Variants in TOX observed in about 807,000 individuals in gnomAD.
TOX encodes thymocyte selection-associated high mobility group box protein TOX.
TOX carries 11 observed loss-of-function variants against 53.7 expected under a neutral mutation model. The observed-to-expected ratio is 0.20, with a 90% CI of 0.13 to 0.34. The LOEUF is 0.34. Among genes scored for constraint, TOX ranks in the 10% least tolerant of loss-of-function variants. The pLI is 1.00. For missense variants in TOX, 570 were observed against 664.6 expected (o/e 0.86, Z 1.56); for synonymous variants, 225 against 245.3 (o/e 0.92, Z 0.77).
intron 5 of TOX, among the ~76,000 whole-genome samples, chr8:58,836,437 C>T (rs1380666784): frequency 2.0e-5 from 3 of 152,158 alleles, no homozygotes; most frequent in Non-Finnish European, 4.4e-5. Flanking sequence ...GTCAACTACC[C>T]TCTTATGGTG....
Position 58,920,707 on chromosome 8 carries a change from TAA to T in TOX, c.411+18593_411+18594del, listed in dbSNP as rs56112630. Among the ~76,000 whole-genome samples, 27 of 72,036 alleles carry T rather than the reference TAA, an allele frequency of 3.7e-4. 1 individual carries two copies. The highest frequency in any genetic ancestry group is 9.3e-4 in the African/African-American group (15 of 16,108). The allele number at this position is 72,036 out of a possible 152,430, so 47.3% of individuals were successfully genotyped here. On this transcript the variant is annotated intron_variant, in intron 3 of 8. Transcript: ENST00000361421. Reference sequence around the variant, plus strand: ...ATGTACCCTAAAACTTAAAGTATAATAAAAAAAAAACATTAAAAAAAAAAAAA... The same window carrying T: ...ATGTACCCTAAAACTTAAAGTATAATAAAAAAAACATTAAAAAAAAAAAAA...
intron 6 of TOX, among the ~76,000 whole-genome samples, 161 bp downstream of exon 6, chr8:58,826,660 GA>G (rs1206047558): frequency 6.6e-6 from 1 of 152,188 alleles, no homozygotes; most frequent in Non-Finnish European, 1.5e-5. Context: ...GGAGCTGAAC[GA>G]ATATTTCCAT....
chr8:58,836,881 G>C (rs1489349598), intron 5 of TOX, among the ~76,000 whole-genome samples: 3 of 152,184 alleles, frequency 2.0e-5, no homozygotes, highest in Non-Finnish European at 4.4e-5. Flanking sequence ...GCCCAGAACA[G>C]TGCCTGGCAC....
In TOX at chr8:58,865,827, C is replaced by CTTTTTTT. The variant is rs768072284; in HGVS notation, c.412-14029_412-14023dup. Among the ~76,000 whole-genome samples the CTTTTTTT allele has an allele frequency of 1.9e-4, 17 of 91,332 alleles. 1 individual carries two copies. The highest frequency in any genetic ancestry group is 2.6e-4 in the Admixed American group (2 of 7,814). 59.9% of individuals were successfully genotyped at this position (91,332 alleles called of 152,430 possible). Reference sequence around the variant, plus strand: ...TTCTTAATTATGGTAATGACAGTGGCTTTTTTTTTTTTTTTTTTTTGTCCT... The same window carrying CTTTTTTT: ...TTCTTAATTATGGTAATGACAGTGGCTTTTTTTTTTTTTTTTTTTTTTTTTTTGTCCT... On this transcript the variant is annotated intron_variant, in intron 3 of 8. Coordinates refer to ENST00000361421, the MANE Select transcript of TOX (RefSeq NM_014729.3).
intron 3 of TOX, among the ~76,000 whole-genome samples, chr8:58,885,199 T>C (rs554732476): frequency 6.6e-6 from 1 of 152,174 alleles, no homozygotes; most frequent in African/African-American, 2.4e-5. Flanking sequence ...AATGAAAAAA[T>C]TTATATTCTC....
intron 1 of TOX, among the ~76,000 whole-genome samples, chr8:59,086,235 T>C (rs1804507128): frequency 6.6e-6 from 1 of 152,104 alleles, no homozygotes; most frequent in African/African-American, 2.4e-5. Context: ...TCCACCTACC[T>C]CGGCCTCCCA....
chr8:58,907,247 T>A (rs1039776321), intron 3 of TOX, among the ~76,000 whole-genome samples: 1 of 152,200 alleles, frequency 6.6e-6, no homozygotes, highest in Non-Finnish European at 1.5e-5. Context: ...ATCAAATGTG[T>A]CTTGTCCTTT....
At chr8:58,826,272 A>T (rs1810365021) in intron 6 of TOX, among the ~76,000 whole-genome samples, 1 of 152,216 alleles carries the variant, frequency 6.6e-6, no homozygotes, top group African/African-American at 2.4e-5. Context: ...CCATAACGGG[A>T]ATTGTATCTT....
chr8:58,833,795 A>C (rs1810504186), intron 5 of TOX, among the ~76,000 whole-genome samples: 1 of 152,242 alleles, frequency 6.6e-6, no homozygotes, highest in Non-Finnish European at 1.5e-5. Context: ...TTCCAGATTC[A>C]GTACCATCTT....
intron 1 of TOX, among the ~76,000 whole-genome samples, chr8:59,083,668 A>G (rs1443412805): frequency 6.6e-6 from 1 of 152,042 alleles, no homozygotes; most frequent in Non-Finnish European, 1.5e-5. Flanking sequence ...TCCTCCTGTA[A>G]TAAATATTCT....
chr8:59,096,183 A>T (rs981286668), intron 1 of TOX, among the ~76,000 whole-genome samples: 2 of 152,226 alleles, frequency 1.3e-5, no homozygotes, highest in Non-Finnish European at 1.5e-5. Context: ...TTTTATTATC[A>T]CCTGATGAAA....
At chr8:59,043,477 A>G (rs1335178607) in intron 1 of TOX, among the ~76,000 whole-genome samples, 1 of 152,126 alleles carries the variant, frequency 6.6e-6, no homozygotes, top group East Asian at 1.9e-4. Flanking sequence ...TAGGTAATCT[A>G]TTGAGTAACA....
At chr8:58,980,701 C>T (rs1813189928) in intron 1 of TOX, among the ~76,000 whole-genome samples, 1 of 152,202 alleles carries the variant, frequency 6.6e-6, no homozygotes, top group Non-Finnish European at 1.5e-5. Context: ...GGTCTTAGAA[C>T]TGCTAATGTG....
intron 3 of TOX, among the ~76,000 whole-genome samples, chr8:58,858,588 G>A (rs1810953714): frequency 6.6e-6 from 1 of 152,234 alleles, no homozygotes; most frequent in Non-Finnish European, 1.5e-5. Context: ...GGCCTGGAAG[G>A]CTGCCAGTTG....
At chr8:58,930,832 C>T (rs16924253) in intron 3 of TOX, among the ~76,000 whole-genome samples, 8,006 of 152,230 alleles carry the variant, frequency 0.053, 266 homozygotes, top group South Asian at 0.093. Context: ...CAACACATTA[C>T]GAAACATTCT....
At chr8:58,933,805 A>T (rs917840027) in intron 3 of TOX, among the ~76,000 whole-genome samples, 1 of 152,148 alleles carries the variant, frequency 6.6e-6, no homozygotes, top group African/African-American at 2.4e-5. Flanking sequence ...TTTATAAGAA[A>T]TGCAAAGAAA....
At chr8:58,970,233 A>C (rs1486135422) in intron 1 of TOX, among the ~76,000 whole-genome samples, 1 of 152,136 alleles carries the variant, frequency 6.6e-6, no homozygotes, top group Non-Finnish European at 1.5e-5. Flanking sequence ...AATATTTCCG[A>C]CATCACTCCT....
chr8:58,820,135 A>AGTTTGCCTCATTCTAT (rs1810248811), intron 6 of TOX, among the ~76,000 whole-genome samples: 1 of 152,292 alleles, frequency 6.6e-6, no homozygotes, highest in East Asian at 1.9e-4. Flanking sequence ...GGTATCTGTA[A>AGTTTGCCTCATTCTAT]GTTTGCCTCA....
At chr8:58,826,943 T>A in intron 5 of TOX, 41 bp from the exon 6 acceptor site, 1 of 1,578,016 alleles carries the variant, frequency 6.3e-7, no homozygotes, top group Non-Finnish European at 8.6e-7. Context: ...AAAGTGCATT[T>A]GCTTTTGTTT....
Sources: gnomAD v4.1 joint callset for allele counts (sites outside exome capture counted in the v4.1 genomes callset) on GRCh38, gnomAD v4.1.1 for gene constraint, MANE v1.5 for transcripts, NCBI Gene and HGNC (gene_info 2026-07-23, HGNC 2026-07-21) for gene names.